COPA: variants seen among roughly 807,000 people sequenced by gnomAD.
The protein encoded by COPA is coat protein complex I subunit alpha.
COPA carries 10 observed loss-of-function variants against 158.7 expected under a neutral mutation model. The observed-to-expected ratio is 0.06, with a 90% CI of 0.04 to 0.11. The LOEUF (loss-of-function observed/expected upper bound fraction) is 0.11. Among genes scored for constraint, COPA ranks in the 10% least tolerant of loss-of-function variants. COPA has a pLI of 1.00. For missense variants in COPA, 1,065 were observed against 1,536.7 expected, an observed-to-expected ratio of 0.69 and a Z score of 5.13; for synonymous variants, 462 against 542.8, an observed-to-expected ratio of 0.85 and a Z score of 2.07.
intron 6 of COPA, among the ~76,000 whole-genome samples, chr1:160,326,434 TA>T (rs1181701968): frequency 6.6e-6 from 1 of 151,986 alleles, no homozygotes; most frequent in Non-Finnish European, 1.5e-5. Flanking sequence ...GGCTGAGAGA[TA>T]GGGGGATGGC....
intron 8 of COPA, among the ~76,000 whole-genome samples, chr1:160,323,120 T>C (rs976271682): frequency 6.6e-6 from 1 of 151,762 alleles, no homozygotes; most frequent in African/African-American, 2.4e-5. Flanking sequence ...AAGAGACAAA[T>C]ATGGCATGTT....
intron 28 of COPA, 115 bp downstream of exon 28, chr1:160,292,369 T>A: frequency 6.3e-7 from 1 of 1,581,938 alleles, no homozygotes; most frequent in East Asian, 2.2e-5. Flanking sequence ...ACCAAAGATC[T>A]TTTTCTACTG....
At chr1:160,291,539 C>A in intron 30 of COPA, 43 bp from the exon 31 acceptor site, 1 of 1,599,044 alleles carries the variant, frequency 6.3e-7, no homozygotes, top group Non-Finnish European at 8.5e-7. Flanking sequence ...TGATGCTACA[C>A]CTGGTAGAAG....
chr1:160,322,284 C>CA (rs1187190498), intron 8 of COPA, among the ~76,000 whole-genome samples: 3 of 152,130 alleles, frequency 2.0e-5, no homozygotes, highest in African/African-American at 7.2e-5. Context: ...TGGAACAGAA[C>CA]AGAGGACCCA....
chr1:160,295,679 A>G, intron 23 of COPA, 57 bp downstream of exon 23: 1 of 1,525,244 alleles, frequency 6.6e-7, no homozygotes, highest in Non-Finnish European at 8.8e-7. Flanking sequence ...GGTATTCTCT[A>G]GGACAGTTCT....
chr1:160,307,583 C>G (rs1462947882), intron 13 of COPA, among the ~76,000 whole-genome samples: 1 of 151,958 alleles, frequency 6.6e-6, no homozygotes, highest in Non-Finnish European at 1.5e-5. Context: ...CAAGCTGCGG[C>G]AAAGCAAGCC....
chr1:160,311,488 G>A (rs561592081), intron 11 of COPA, among the ~76,000 whole-genome samples: 9 of 151,722 alleles, frequency 5.9e-5, no homozygotes, highest in Non-Finnish European at 8.8e-5. Flanking sequence ...GGTGGCTCAC[G>A]CCTGTAATCC....
In COPA at chr1:160,309,157, T is replaced by C; in HGVS notation, c.1163A>G (p.Asn388Ser). The C allele has an allele frequency of 6.2e-7, 1 of 1,613,456 alleles. No individual in the cohort carries two copies. The highest frequency in any genetic ancestry group is 8.5e-7 in the Non-Finnish European group (1 of 1,179,396). ...GATGGTGTACAGGTCATAGGTACTA[T>C]TCTCTAGATTGCTAGCTCTCTGTAG... The part of the protein sequence containing the change: ...LLCTRASNLE[N>S]STYDLYTIPK... The change falls in exon 13 of 33, where the codon AAT becomes AGT. Residue 388 changes from asparagine to serine, a missense_variant. Around this residue, in one of 2 missense-constraint regions of COPA, gnomAD observed 980 missense variants for 1,357.8 expected, o/e 0.72. Coordinates refer to ENST00000241704, the MANE Select transcript of COPA (RefSeq NM_004371.4).
At chr1:160,316,713 GCACTC>G (rs1446594717) in intron 8 of COPA, among the ~76,000 whole-genome samples, 1 of 150,804 alleles carries the variant, frequency 6.6e-6, no homozygotes, top group African/African-American at 2.4e-5. Flanking sequence ...TCGCACCATT[GCACTC>G]CAGCCTGGCC....
chr1:160,333,746 A>AT (rs1311231995), intron 4 of COPA, 67 bp from the exon 5 acceptor site: 2 of 1,301,922 alleles, frequency 1.5e-6, no homozygotes, highest in Non-Finnish European at 2.2e-6. Context: ...TCTTGTAATC[A>AT]TTTTTCTCTA....
chr1:160,307,044 T>C, intron 14 of COPA, 119 bp downstream of exon 14: 1 of 943,882 alleles, frequency 1.1e-6, no homozygotes, highest in East Asian at 2.4e-5. Flanking sequence ...GTACAGCCAA[T>C]ACATGAGAAT....
rs1172382378 is a variant in COPA at position 160,298,830 on chromosome 1, C to G, written c.1977+15G>C. Reference sequence around the variant, plus strand: ...CTCTAAGACAATATGGGGCTGATGACCATATTCCTCTCACCTCAATGTTTC... The same window carrying G: ...CTCTAAGACAATATGGGGCTGATGAGCATATTCCTCTCACCTCAATGTTTC... On this transcript the variant is annotated intron_variant, in intron 19 of 32. Transcript: ENST00000241704. The G allele has an allele frequency of 3.7e-6, 6 of 1,613,830 alleles. No individual in the cohort carries two copies. In the African/African-American group the frequency reaches 8.0e-5, roughly 22 times the overall value.
At position 160,299,173 on chromosome 1, in the gene COPA, G is replaced by T. The variant is rs1272309771; in HGVS notation, c.1759C>A (p.Pro587Thr). Residue 587 changes from proline to threonine, a missense_variant, in exon 18 of 33, where the codon CCC (proline) becomes ACC (threonine). Coordinates refer to ENST00000241704, the MANE Select transcript of COPA (RefSeq NM_004371.4). Reference sequence around the variant, plus strand: ...GTGGGATCAATGGTGAGTACCCGGGGACGACACTCCCTGTCTAGGCAGTAT... The same window carrying T: ...GTGGGATCAATGGTGAGTACCCGGGTACGACACTCCCTGTCTAGGCAGTAT... ...NVYCLDRECRPRVLTIDPTEF... is the reference protein window; with the variant it reads ...NVYCLDRECRTRVLTIDPTEF... 1 of 1,614,188 alleles carries T rather than the reference G, an allele frequency of 6.2e-7. No homozygotes were observed. Among genetic ancestry groups the T allele is most frequent in the South Asian group, 1.1e-5 (1 of 91,086 alleles).
At chr1:160,333,536 G>A in intron 5 of COPA, 67 bp downstream of exon 5, 2 of 1,125,080 alleles carry the variant, frequency 1.8e-6, no homozygotes, top group Non-Finnish European at 1.3e-6. Context: ...ATTGTTCTAA[G>A]AGAAGCTCAT....
Position 160,291,848 on chromosome 1 carries a change from T to C in COPA, c.3229A>G (p.Thr1077Ala). Residue 1077 changes from threonine (T) to alanine (A), a missense_variant, in exon 30 of 33, where the codon ACT becomes GCT. Physicochemically the swap from Thr to Ala is moderately conservative, Grantham distance 58. Around this residue, in one of 2 missense-constraint regions of COPA, gnomAD observed 980 missense variants for 1,357.8 expected, o/e 0.72. Transcript: ENST00000241704. ...CAGATGCGCTTCTGCTGTTCTAGAG[T>C]CTCTTTGGGCAGCTTCTTCCTTTCT... Reference protein sequence around the residue: ...ETERKKLPKETLEQQKRICEM... With the variant: ...ETERKKLPKEALEQQKRICEM... 6.2e-7 allele frequency: 1 copy of C among 1,613,840 alleles called. No individual in the cohort carries two copies. The highest frequency in any genetic ancestry group is 8.5e-7 in the Non-Finnish European group (1 of 1,179,974).
Position 160,305,749 on chromosome 1 carries a change from A to T in COPA, c.1467T>A (p.Ser489=), listed in dbSNP as rs1045509598. Residue 489 remains serine, a synonymous_variant, in exon 16 of 33, where the codon TCT becomes TCA. Transcript: ENST00000241704. ...QKRTLASVKI[S]KVKYVIWSAD... is the part of the protein sequence containing the mutation. ...CTGACCAGATAACGTATTTCACTTTAGAAATCTTCACAGATGCCAGAGTCC... is the reference window on the plus strand; with the variant it reads ...CTGACCAGATAACGTATTTCACTTTTGAAATCTTCACAGATGCCAGAGTCC... 1 of 1,614,182 alleles carries T rather than the reference A, an allele frequency of 6.2e-7. No homozygotes were observed. Among genetic ancestry groups the T allele is most frequent in the Non-Finnish European group, 8.5e-7 (1 of 1,180,020 alleles).
intron 8 of COPA, among the ~76,000 whole-genome samples, chr1:160,318,975 C>CAA (rs140148350): frequency 6.8e-6 from 1 of 147,634 alleles, no homozygotes; most frequent in Non-Finnish European, 1.5e-5. Flanking sequence ...AGAGAAGCCT[C>CAA]AAAAAAAAAC....
At chr1:160,325,154 C>A (rs572201730) in intron 7 of COPA, among the ~76,000 whole-genome samples, 1 of 151,014 alleles carries the variant, frequency 6.6e-6, no homozygotes, top group Non-Finnish European at 1.5e-5. Context: ...AGAACAAAAA[C>A]TAGTTTCTTT....
intron 3 of COPA, among the ~76,000 whole-genome samples, chr1:160,336,174 T>G (rs1480652966): frequency 6.6e-6 from 1 of 151,646 alleles, no homozygotes; most frequent in East Asian, 1.9e-4. Context: ...GGGGAAACCC[T>G]GTCTCTACAA....
Sources: allele counts gnomAD v4.1 joint callset (sites outside exome capture counted in the v4.1 genomes callset), GRCh38; gene constraint gnomAD v4.1.1; regional missense constraint gnomAD v4.1.1; transcripts MANE v1.5; gene names NCBI Gene and HGNC (gene_info 2026-07-23, HGNC 2026-07-21).